Variants in DNAJC15 observed in about 807,000 individuals in gnomAD.
DNAJC15 encodes DnaJ heat shock protein family (Hsp40) member C15.
A neutral mutation model predicts 22.4 loss-of-function variants in DNAJC15; 27 were observed. That is an observed-to-expected ratio of 1.20 (90% CI 0.89 to 1.66). The LOEUF is 1.66. Among genes scored for constraint, DNAJC15 ranks in the 40% most tolerant of loss-of-function variants. The pLI, the probability that DNAJC15 is intolerant of heterozygous loss-of-function variation, is 0.00. For missense variants in DNAJC15, 208 were observed against 187.1 expected, an observed-to-expected ratio of 1.11 and a Z score of -0.65; for synonymous variants, 79 against 63.2, an observed-to-expected ratio of 1.25 and a Z score of -1.19.
intron 2 of DNAJC15, 65 bp downstream of exon 2, chr13:43,065,802 T>TTA (rs1340326213): frequency 7.1e-7 from 1 of 1,416,728 alleles, no homozygotes; most frequent in East Asian, 2.3e-5. Context: ...TCTACAGTGA[T>TTA]TCATGAGTAG....
intron 5 of DNAJC15, among the ~76,000 whole-genome samples, chr13:43,100,630 A>G (rs1425518587): frequency 6.6e-6 from 1 of 152,168 alleles, no homozygotes; most frequent in African/African-American, 2.4e-5. Flanking sequence ...TTGTCGGAGA[A>G]TACAGTGTAT....
At chr13:43,078,563 C>A (rs750251189) in intron 3 of DNAJC15, 49 bp from the exon 4 acceptor site, 120 of 1,483,294 alleles carry the variant, frequency 8.1e-5, no homozygotes, top group Non-Finnish European at 1.1e-4. Context: ...GAGGTCATGC[C>A]ACCTCATACG....
At chr13:43,096,401 G>A (rs919687254) in intron 5 of DNAJC15, among the ~76,000 whole-genome samples, 2 of 152,136 alleles carry the variant, frequency 1.3e-5, no homozygotes, top group Non-Finnish European at 2.9e-5. Flanking sequence ...TACTGAGCTA[G>A]GCATTTAGAT....
intron 1 of DNAJC15, 90 bp downstream of exon 1, chr13:43,023,824 A>C: frequency 4.2e-6 from 5 of 1,204,796 alleles, no homozygotes; most frequent in Non-Finnish European, 5.8e-6. Context: ...GAACCTTTGT[A>C]CTCCCCCGCA....
chr13:43,064,352 A>G (rs762678559), intron 1 of DNAJC15, among the ~76,000 whole-genome samples: 3 of 152,232 alleles, frequency 2.0e-5, no homozygotes, highest in Non-Finnish European at 2.9e-5. Flanking sequence ...ATTTCCCTAC[A>G]GAACTTGAAT....
intron 5 of DNAJC15, among the ~76,000 whole-genome samples, chr13:43,097,040 G>A (rs780413955): frequency 3.9e-5 from 6 of 152,128 alleles, no homozygotes; most frequent in African/African-American, 9.7e-5. Flanking sequence ...GTTGCTTTTC[G>A]CCACTAAGTT....
chr13:43,085,169 C>T (rs964394756), intron 4 of DNAJC15, among the ~76,000 whole-genome samples: 1 of 152,068 alleles, frequency 6.6e-6, no homozygotes, highest in African/African-American at 2.4e-5. Flanking sequence ...CGAGACCAGC[C>T]TGGACAACAT....
chr13:43,064,692 G>A (rs565356542), intron 1 of DNAJC15, among the ~76,000 whole-genome samples: 15 of 152,256 alleles, frequency 9.9e-5, no homozygotes, highest in African/African-American at 3.6e-4. Flanking sequence ...GGATGGGAAG[G>A]CAGCTCTGTG....
At chr13:43,072,713 G>A (rs778295451) in intron 3 of DNAJC15, among the ~76,000 whole-genome samples, 13 of 151,976 alleles carry the variant, frequency 8.6e-5, no homozygotes, top group Middle Eastern at 3.4e-3. Flanking sequence ...GCAGGCACTC[G>A]TCACTATTCC....
At chr13:43,093,973 T>C (rs566852548) in intron 5 of DNAJC15, among the ~76,000 whole-genome samples, 1 of 152,310 alleles carries the variant, frequency 6.6e-6, no homozygotes, top group Admixed American at 6.5e-5. Flanking sequence ...TTTAAATGTA[T>C]GAAGAAAATA....
chr13:43,051,634 G>GGTGTGTGTGTGTGTGTGTGT (rs57271276), intron 1 of DNAJC15, among the ~76,000 whole-genome samples: 41 of 133,150 alleles, frequency 3.1e-4, no homozygotes, highest in African/African-American at 1.1e-3. Context: ...AGTACTTCAT[G>GGTGTGTGTGTGTGTGTGTGT]GTGTGTGTGT....
intron 5 of DNAJC15, among the ~76,000 whole-genome samples, chr13:43,090,854 C>T (rs1343928188): frequency 1.3e-5 from 2 of 150,350 alleles, no homozygotes; most frequent in Non-Finnish European, 3.0e-5. Flanking sequence ...ACTACAGGCG[C>T]CCACCACCAC....
chr13:43,051,824 ATCAAACAGCAGT>A (rs1475494403), intron 1 of DNAJC15, among the ~76,000 whole-genome samples: 2 of 152,154 alleles, frequency 1.3e-5, no homozygotes, highest in Non-Finnish European at 2.9e-5. Context: ...GGATTGCTGG[ATCAAACAGCAGT>A]TCTACTTTTA....
chr13:43,078,409 G>GA (rs1012766142), intron 3 of DNAJC15, among the ~76,000 whole-genome samples: 46 of 151,976 alleles, frequency 3.0e-4, no homozygotes, highest in African/African-American at 1.0e-3. Context: ...GTTTTAAAGT[G>GA]AAAAAAAGTT....
chr13:43,049,167 A>G (rs2040491781), intron 1 of DNAJC15, among the ~76,000 whole-genome samples: 1 of 152,210 alleles, frequency 6.6e-6, no homozygotes, highest in Non-Finnish European at 1.5e-5. Flanking sequence ...GTTTCTGCAG[A>G]ATTTAACCTG....
chr13:43,034,153 T>C (rs1238856291), intron 1 of DNAJC15, among the ~76,000 whole-genome samples: 3 of 152,034 alleles, frequency 2.0e-5, no homozygotes, highest in African/African-American at 7.2e-5. Context: ...GTGAGTTTTC[T>C]TAACTGTAAA....
intron 1 of DNAJC15, among the ~76,000 whole-genome samples, chr13:43,030,901 T>G (rs1269666551): frequency 6.6e-6 from 1 of 152,236 alleles, no homozygotes; most frequent in Non-Finnish European, 1.5e-5. Context: ...GATAAAATGC[T>G]TGATTTCGTA....
At chr13:43,106,062 G>T (rs956539956) in intron 5 of DNAJC15, among the ~76,000 whole-genome samples, 2 of 152,072 alleles carry the variant, frequency 1.3e-5, no homozygotes, top group Non-Finnish European at 2.9e-5. Flanking sequence ...CATGTTTGTT[G>T]ATCTATTTTC....
At chr13:43,038,798 T>C (rs202237679) in intron 1 of DNAJC15, among the ~76,000 whole-genome samples, 1 of 42,898 alleles carries the variant, frequency 2.3e-5, no homozygotes, top group Non-Finnish European at 4.6e-5. Context: ...TCTCAAAAAA[T>C]AGGAAAAAAA....
Sources: allele counts gnomAD v4.1 joint callset (sites outside exome capture counted in the v4.1 genomes callset), GRCh38; gene constraint gnomAD v4.1.1; transcripts MANE v1.5; gene names NCBI Gene and HGNC (gene_info 2026-07-23, HGNC 2026-07-21).